The following TENM2 variants were observed in gnomAD, a reference collection of about 807,000 sequenced individuals.
TENM2 encodes teneurin transmembrane protein 2.
TENM2 carries 52 observed loss-of-function variants against 245.2 expected under a neutral mutation model. The observed-to-expected ratio is 0.21, with a 90% confidence interval of 0.17 to 0.27. The LOEUF is 0.27. Among genes scored for constraint, TENM2 ranks in the 10% least tolerant of loss-of-function variants. The probability of loss-of-function intolerance (pLI) is 1.00; values close to 1 mark genes in which losing one functional copy is unlikely to be tolerated. For missense variants in TENM2, 3,046 were observed against 3,666.8 expected, an observed-to-expected ratio of 0.83 and a Z score of 4.37; for synonymous variants, 1,363 against 1,438.9, an observed-to-expected ratio of 0.95 and a Z score of 1.19.
chr5:167,213,813 C>T, the TENM2 span, among the ~76,000 whole-genome samples: 1 of 152,096 alleles, frequency 6.6e-6, no homozygotes, highest in East Asian at 1.9e-4. Flanking sequence ...GAAAATTTAC[C>T]TTTAATTGCA....
the TENM2 span, among the ~76,000 whole-genome samples, chr5:167,117,745 G>C: frequency 1.3e-5 from 2 of 151,988 alleles, no homozygotes; most frequent in Non-Finnish European, 2.9e-5. Flanking sequence ...TCTTTGTTGT[G>C]GGGGAGTAGC....
chr5:167,210,987 G>A, the TENM2 span, among the ~76,000 whole-genome samples: 1 of 152,102 alleles, frequency 6.6e-6, no homozygotes, highest in East Asian at 1.9e-4. Context: ...AGAGTAGACT[G>A]TGGGAAGTGA....
intron 27 of TENM2, among the ~76,000 whole-genome samples, chr5:168,249,392 A>C (rs1468334970): frequency 1.3e-5 from 2 of 152,046 alleles, no homozygotes; most frequent in African/African-American, 2.4e-5. Context: ...GCATTTATAA[A>C]GTGGCACTGT....
intron 25 of TENM2, chr5:168,229,585 C>T (rs1764644221): frequency 1.3e-5 from 2 of 151,362 alleles, no homozygotes; most frequent in African/African-American, 2.5e-5. Flanking sequence ...AGTCAGTAAA[C>T]AATGGAACAA....
intron 2 of TENM2, among the ~76,000 whole-genome samples, chr5:167,780,568 T>C (rs896094815): frequency 5.9e-5 from 9 of 152,230 alleles, no homozygotes; most frequent in African/African-American, 1.9e-4. Flanking sequence ...AAGAAAGCCA[T>C]GATGTGCCTT....
intron 2 of TENM2, among the ~76,000 whole-genome samples, chr5:167,446,699 T>TG (rs10710566): frequency 6.0e-5 from 9 of 150,574 alleles, no homozygotes; most frequent in African/African-American, 2.2e-4. Flanking sequence ...TCAACTTTTT[T>TG]GGGGGGGGGG....
intron 2 of TENM2, among the ~76,000 whole-genome samples, chr5:167,576,276 A>G (rs775811974): frequency 1.3e-5 from 2 of 152,164 alleles, no homozygotes; most frequent in African/African-American, 2.4e-5. Context: ...GATTCATATA[A>G]ATAGCATTTT....
At chr5:167,514,364 C>T (rs1291793215) in intron 2 of TENM2, among the ~76,000 whole-genome samples, 1 of 152,138 alleles carries the variant, frequency 6.6e-6, no homozygotes, top group Admixed American at 6.5e-5. Flanking sequence ...TGGGTCAGCA[C>T]TTCCTAAGCT....
At chr5:167,107,137 T>C in the TENM2 span, among the ~76,000 whole-genome samples, 1,688 of 149,340 alleles carry the variant, frequency 0.011, 11 homozygotes, top group Admixed American at 0.017. Context: ...GGTGCATGCC[T>C]GTAATCCCAG....
intron 25 of TENM2, among the ~76,000 whole-genome samples, chr5:168,233,498 C>T (rs1425289251): frequency 1.3e-5 from 2 of 152,176 alleles, no homozygotes; most frequent in Admixed American, 1.3e-4. Context: ...TGTGTAAATG[C>T]TCCCCCACCA....
At chr5:168,226,886 T>C (rs1581689700) in intron 24 of TENM2, among the ~76,000 whole-genome samples, 1 of 152,316 alleles carries the variant, frequency 6.6e-6, no homozygotes, top group South Asian at 2.1e-4. Context: ...TAAGATATAA[T>C]GTCGGTGGGC....
intron 26 of TENM2, among the ~76,000 whole-genome samples, 154 bp from the exon 29 acceptor site, chr5:168,246,603 G>A (rs952222608): frequency 6.6e-6 from 1 of 152,192 alleles, no homozygotes; most frequent in Non-Finnish European, 1.5e-5. Flanking sequence ...AAATTGGCAT[G>A]TCCAGTGAAA....
chr5:167,453,161 T>C (rs552406419), intron 2 of TENM2, among the ~76,000 whole-genome samples: 3 of 151,642 alleles, frequency 2.0e-5, no homozygotes, highest in South Asian at 2.1e-4. Context: ...TAACTGCCTT[T>C]GGAAGCTTCA....
intron 2 of TENM2, among the ~76,000 whole-genome samples, chr5:167,720,201 T>C (rs746267831): frequency 6.6e-6 from 1 of 152,234 alleles, no homozygotes. Flanking sequence ...TATTTCATAT[T>C]AATTAGTTTT....
intron 2 of TENM2, among the ~76,000 whole-genome samples, chr5:167,390,797 C>T (rs1761706807): frequency 6.6e-6 from 1 of 152,146 alleles, no homozygotes; most frequent in African/African-American, 2.4e-5. Flanking sequence ...TCTTCCATTT[C>T]CACTGATACA....
chr5:168,247,867 T>A lies in TENM2; in HGVS notation c.6928T>A (p.Ser2310Thr). ...CTATGATGGCGTAGGACGGCGGGCT[T>A]CCTACAAGACCAACCTGGGCCACCA... Residue 2310 changes from serine to threonine, a missense_variant, in exon 27 of 29, where the codon TCC becomes ACC. This residue lies in a region of TENM2 where 2,704 missense variants were observed against 3,331.9 expected (regional missense o/e 0.81). Coordinates refer to ENST00000518659, the Ensembl canonical transcript of TENM2. The surrounding 1 kb of genome is among the most constrained non-coding windows in gnomAD (Gnocchi z 7.8). The A allele has an allele frequency of 6.2e-7, 1 of 1,613,966 alleles. No homozygotes were observed.
At chr5:167,848,376 T>A (rs1770247042) in intron 2 of TENM2, among the ~76,000 whole-genome samples, 1 of 152,164 alleles carries the variant, frequency 6.6e-6, no homozygotes, top group African/African-American at 2.4e-5. Flanking sequence ...AGAGTGCATA[T>A]GTAAATCAAA....
intron 9 of TENM2, among the ~76,000 whole-genome samples, chr5:168,114,598 C>A (rs1794918994): frequency 2.0e-5 from 3 of 152,214 alleles, no homozygotes; most frequent in African/African-American, 7.2e-5. Flanking sequence ...ACACCCCAGC[C>A]ACCACTGGAG....
At chr5:167,025,855 ATTAG>A in the TENM2 span, among the ~76,000 whole-genome samples, 1 of 152,136 alleles carries the variant, frequency 6.6e-6, no homozygotes, top group Admixed American at 6.6e-5. Context: ...TCCGCTTCTC[ATTAG>A]TTAGAGCTTT....
Sources: allele counts gnomAD v4.1 joint callset (sites outside exome capture counted in the v4.1 genomes callset), GRCh38; gene constraint gnomAD v4.1.1; regional missense constraint gnomAD v4.1.1; non-coding constraint Gnocchi (gnomAD v3.1); transcripts MANE v1.5; gene names NCBI Gene and HGNC (gene_info 2026-07-23, HGNC 2026-07-21).